The following PAX7 variants were observed in gnomAD, a reference collection of about 807,000 sequenced individuals.
The protein encoded by PAX7 is paired box 7, also known as paired box protein Pax-7.
In PAX7, 18 loss-of-function variants were observed where a neutral mutation model predicts 50.7. That is an observed-to-expected ratio of 0.36 (90% CI 0.25 to 0.53). The LOEUF (loss-of-function observed/expected upper bound fraction) is 0.53. Among genes scored for constraint, PAX7 ranks in the 20% least tolerant of loss-of-function variants. The probability of loss-of-function intolerance (pLI) is 0.93; values close to 1 mark genes in which losing one functional copy is unlikely to be tolerated. For synonymous variants in PAX7, 310 were observed against 290.4 expected, an observed-to-expected ratio of 1.07 and a Z score of -0.69; for missense variants, 644 against 702.9, an observed-to-expected ratio of 0.92 and a Z score of 0.95.
intron 7 of PAX7, among the ~76,000 whole-genome samples, chr1:18,724,674 G>C (rs1448027644): frequency 6.6e-6 from 1 of 152,208 alleles, no homozygotes; most frequent in African/African-American, 2.4e-5. Context: ...TACAACTTTT[G>C]AGTTCAAATC....
chr1:18,722,617 C>T (rs1282966088), intron 7 of PAX7, among the ~76,000 whole-genome samples: 2 of 152,166 alleles, frequency 1.3e-5, no homozygotes, highest in Non-Finnish European at 2.9e-5. Flanking sequence ...GTTCCCTGCC[C>T]TGTGTGGGTG....
rs1326375196 is a variant in PAX7 at position 18,719,302 on chromosome 1, GA to G, written c.1155+16008del. Among the ~76,000 whole-genome samples the G allele has an allele frequency of 2.0e-5, 3 of 152,342 alleles. No homozygotes were observed. The East Asian group carries it at 5.8e-4, about 29-fold the overall frequency. ...CACAAAAGAGGTAACCCGTGTGGGC[GA>G]ATGAGTGCTGGATGAGGAGACGGGA... On this transcript the variant is annotated intron_variant, in intron 7 of 8. Coordinates refer to ENST00000420770, the MANE Select transcript of PAX7 (RefSeq NM_001135254.2).
chr1:18,665,245 A>G (rs1458454532), intron 4 of PAX7, among the ~76,000 whole-genome samples: 1 of 152,110 alleles, frequency 6.6e-6, no homozygotes, highest in African/African-American at 2.4e-5. Flanking sequence ...GGCCTTAACA[A>G]CACACCTATG....
At chr1:18,664,166 C>T (rs545058278) in intron 4 of PAX7, among the ~76,000 whole-genome samples, 1 of 152,332 alleles carries the variant, frequency 6.6e-6, no homozygotes, top group African/African-American at 2.4e-5. Flanking sequence ...CCAGTCTGAC[C>T]CTCTCACTTT....
At chr1:18,728,209 G>A (rs1367288355) in intron 7 of PAX7, among the ~76,000 whole-genome samples, 1 of 152,176 alleles carries the variant, frequency 6.6e-6, no homozygotes, top group African/African-American at 2.4e-5. Context: ...GTGGCAGTGT[G>A]TGGGTGCGTG....
rs375284574 is a variant in PAX7 at position 18,691,759 on chromosome 1, C to T, written c.592C>T (p.Arg198Trp). 41 of 1,573,612 alleles carry T rather than the reference C, an allele frequency of 2.6e-5. No homozygotes were observed. Among genetic ancestry groups the T allele is most frequent in the East Asian group, 4.7e-5 (2 of 42,466 alleles). ...IDGILGDKGN[R>W]LDEGSDVESE... Reference sequence around the variant, plus strand: ...TCCCTCTCCTCCGGCTGTAGGGAACCGGCTGGACGAGGGCTCGGATGTGGA... The same window carrying T: ...TCCCTCTCCTCCGGCTGTAGGGAACTGGCTGGACGAGGGCTCGGATGTGGA... The change falls in exon 5 of 9, where the codon CGG (arginine) becomes TGG (tryptophan). Residue 198 changes from arginine (R) to tryptophan (W), a missense_variant. Transcript: ENST00000420770.
intron 4 of PAX7, among the ~76,000 whole-genome samples, chr1:18,672,599 T>G (rs934067563): frequency 2.7e-5 from 4 of 146,192 alleles, no homozygotes; most frequent in South Asian, 4.4e-4. Flanking sequence ...GCACTGTGTT[T>G]TTTTTTTTTT....
At position 18,634,870 on chromosome 1, in the gene PAX7, T is replaced by C. The variant is rs1246233402; in HGVS notation, c.322-241T>C. 6.6e-6 allele frequency among the ~76,000 whole-genome samples: 1 copy of C among 151,930 alleles called. No homozygotes were observed. Among genetic ancestry groups the C allele is most frequent in the Non-Finnish European group, 1.5e-5 (1 of 67,980 alleles). ...TGACGGGGACCCTGGGGGTCCTAATTAGAGTTTTTTATTGCCTATCCATGT... is the reference window on the plus strand; with the variant it reads ...TGACGGGGACCCTGGGGGTCCTAATCAGAGTTTTTTATTGCCTATCCATGT... On this transcript the variant is annotated intron_variant, in intron 2 of 8. Coordinates refer to ENST00000420770, the MANE Select transcript of PAX7 (RefSeq NM_001135254.2). The surrounding 1 kb of genome is among the most constrained non-coding windows in gnomAD (Gnocchi z 4.0).
intron 7 of PAX7, among the ~76,000 whole-genome samples, chr1:18,717,047 C>T (rs1557548525): frequency 6.6e-6 from 1 of 151,948 alleles, no homozygotes; most frequent in Admixed American, 6.6e-5. Context: ...CCGCCGCCGC[C>T]GCCGTCGCCG....
intron 8 of PAX7, among the ~76,000 whole-genome samples, chr1:18,737,704 C>G (rs1009502145): frequency 1.3e-5 from 2 of 152,242 alleles, no homozygotes; most frequent in African/African-American, 2.4e-5. Flanking sequence ...ATGTGCACAT[C>G]TGTGTGTGTG....
At position 18,683,556 on chromosome 1, in the gene PAX7, T is replaced by C. The variant is rs187355550; in HGVS notation, c.587-8198T>C. ...TCCAAAGGACAGTCAAGAATGCCCA[T>C]TGGCCGGGTGCGGTGGCTCATGCCT... On this transcript the variant is annotated intron_variant, in intron 4 of 8. Coordinates refer to ENST00000420770, the MANE Select transcript of PAX7 (RefSeq NM_001135254.2). Among the ~76,000 whole-genome samples the C allele has an allele frequency of 1.1e-4, 16 of 152,312 alleles. No homozygotes were observed. In the East Asian group the frequency reaches 2.9e-3, roughly 28 times the overall value.
rs147822236 is a variant in PAX7, at chr1:18,745,987, A to C, written c.*1058A>C. The stretch of plus-strand genomic sequence containing the variant: ...CCCAGGGAGTTGAGATTTTGCCCAA[A>C]GCCTTCCGCAGAGGCCCGAGCCCAT... On this transcript the variant is annotated 3_prime_UTR_variant, in exon 9 of 9. Transcript: ENST00000420770. 8.7e-4 allele frequency: 202 copies of C among 230,894 alleles called. 1 individual carries two copies. Among genetic ancestry groups the C allele is most frequent in the African/African-American group, 3.9e-3 (179 of 45,330 alleles). 14.3% of individuals were successfully genotyped at this position (230,894 alleles called of 1,614,324 possible). A position where few individuals can be genotyped will look rare whatever the true frequency, so the allele number is the denominator to read the frequency against.
At chr1:18,730,668 C>T (rs2089634673) in intron 7 of PAX7, among the ~76,000 whole-genome samples, 1 of 152,214 alleles carries the variant, frequency 6.6e-6, no homozygotes, top group African/African-American at 2.4e-5. Context: ...CCCTCGGGGC[C>T]AGCTCAGGAA....
At chr1:18,635,933 C>CG (rs1282086026) in intron 3 of PAX7, among the ~76,000 whole-genome samples, 1 of 151,918 alleles carries the variant, frequency 6.6e-6, no homozygotes, top group African/African-American at 2.4e-5. Flanking sequence ...TGGGACCTCT[C>CG]GGGGGTGTGG....
chr1:18,709,728 C>T (rs2089327467), intron 7 of PAX7, among the ~76,000 whole-genome samples: 1 of 152,174 alleles, frequency 6.6e-6, no homozygotes, highest in Non-Finnish European at 1.5e-5. Context: ...TTCCAGGTGC[C>T]AGGTTGTGTG....
chr1:18,685,228 T>C (rs860370), intron 4 of PAX7, among the ~76,000 whole-genome samples: 142,202 of 152,290 alleles, frequency 0.93, 66,612 homozygotes, highest in African/African-American at 0.98. Context: ...TTCCCCTCCC[T>C]TTATTGGGAG....
intron 4 of PAX7, among the ~76,000 whole-genome samples, chr1:18,644,577 A>G (rs2088309407): frequency 6.6e-6 from 1 of 152,062 alleles, no homozygotes; most frequent in African/African-American, 2.4e-5. Flanking sequence ...GCCACACCCC[A>G]TTCAGAACCT....
At position 18,747,914 on chromosome 1, in the gene PAX7, A is replaced by C. The variant is rs1311196373; in HGVS notation, c.*2985A>C. 1 of 196,416 alleles carries C rather than the reference A, an allele frequency of 5.1e-6. No homozygotes were observed. 12.2% of individuals were successfully genotyped at this position (196,416 alleles called of 1,614,324 possible). On this transcript the variant is annotated 3_prime_UTR_variant, in exon 9 of 9. Coordinates refer to ENST00000420770, the MANE Select transcript of PAX7 (RefSeq NM_001135254.2). ...TCATATTGTGTGTTTCAAATTATGC[A>C]TTCCAGGCTCTAGTGGGTTCTTTCA...
intron 7 of PAX7, among the ~76,000 whole-genome samples, chr1:18,711,186 G>A (rs951311037): frequency 6.6e-6 from 1 of 152,198 alleles, no homozygotes; most frequent in African/African-American, 2.4e-5. Context: ...CTCTGGTTCT[G>A]CCATTTACTA....
Sources: allele counts gnomAD v4.1 joint callset (sites outside exome capture counted in the v4.1 genomes callset), GRCh38; gene constraint gnomAD v4.1.1; non-coding constraint Gnocchi (gnomAD v3.1); transcripts MANE v1.5; gene names NCBI Gene and HGNC (gene_info 2026-07-23, HGNC 2026-07-21).